The following FOXP1 variants were observed in gnomAD, a reference collection of about 807,000 sequenced individuals.
FOXP1 encodes the protein forkhead box P1.
FOXP1 carries 15 observed loss-of-function variants against 98.2 expected under a neutral mutation model. That is an observed-to-expected ratio of 0.15 (90% CI 0.10 to 0.24). FOXP1 has a LOEUF of 0.24. FOXP1 is among the 10% of genes least tolerant of loss of function. FOXP1 has a pLI of 1.00. For missense variants in FOXP1, 633 were observed against 848.5 expected (o/e 0.75, Z 3.15); for synonymous variants, 371 against 314.5 (o/e 1.18, Z -1.90).
At chr3:71,359,874 C>T (rs139393530) in intron 3 of FOXP1, among the ~76,000 whole-genome samples, 1 of 152,272 alleles carries the variant, frequency 6.6e-6, no homozygotes, top group African/African-American at 2.4e-5. Context: ...CTCACTGCAA[C>T]CTCCACCTCC....
At chr3:71,350,288 C>G (rs1033932882) in intron 4 of FOXP1, among the ~76,000 whole-genome samples, 1 of 152,066 alleles carries the variant, frequency 6.6e-6, no homozygotes, top group Non-Finnish European at 1.5e-5. Context: ...CCAAAAAGAC[C>G]GTCTTTCCCT....
At position 71,466,056 on chromosome 3, in the gene FOXP1, T is replaced by C. The variant is rs1030057327; in HGVS notation, c.-168+27370A>G. On this transcript the variant is annotated intron_variant, in intron 3 of 20. Transcript: ENST00000649528. ...CCGGTGCCAAAAAGGTTGGGGACCA[T>C]TGATCTAAGCAACATGCTGGACAGA... Among the ~76,000 whole-genome samples, 52 of 152,178 alleles carry C rather than the reference T, an allele frequency of 3.4e-4. 1 individual carries two copies. The highest frequency in any genetic ancestry group is 7.7e-4 in the East Asian group (4 of 5,188).
chr3:71,500,939 T>C (rs2041291058), intron 2 of FOXP1, among the ~76,000 whole-genome samples: 2 of 152,188 alleles, frequency 1.3e-5, no homozygotes, highest in Non-Finnish European at 2.9e-5. Context: ...CATCGTTAAT[T>C]TCAGCACTTT....
At chr3:71,193,381 C>T (rs1285338070) in intron 6 of FOXP1, among the ~76,000 whole-genome samples, 1 of 128,222 alleles carries the variant, frequency 7.8e-6, no homozygotes. Flanking sequence ...ATCTCCTGAC[C>T]TCGTGATCTG....
chr3:71,102,798 G>C (rs2107676034), intron 7 of FOXP1, among the ~76,000 whole-genome samples: 1 of 152,264 alleles, frequency 6.6e-6, no homozygotes, highest in Non-Finnish European at 1.5e-5. Flanking sequence ...GGTAGCTCAG[G>C]GAGAGGCAGT....
chr3:71,114,822 G>A (rs1213060958), intron 6 of FOXP1, among the ~76,000 whole-genome samples: 1 of 152,156 alleles, frequency 6.6e-6, no homozygotes, highest in Admixed American at 6.5e-5. Context: ...GCTGTCTCAG[G>A]GAGGATTCAC....
chr3:71,079,162 T>A (rs1334191707), intron 7 of FOXP1, among the ~76,000 whole-genome samples: 1 of 152,190 alleles, frequency 6.6e-6, no homozygotes, highest in Non-Finnish European at 1.5e-5. Flanking sequence ...GAAATGAGCA[T>A]GGTGGGACAG....
intron 3 of FOXP1, among the ~76,000 whole-genome samples, chr3:71,362,512 C>G (rs931227671): frequency 6.6e-6 from 1 of 152,296 alleles, no homozygotes; most frequent in African/African-American, 2.4e-5. Flanking sequence ...CTCTGTTGCT[C>G]AGGCTGCAGT....
chr3:71,124,135 AT>A (rs143622144), intron 6 of FOXP1, among the ~76,000 whole-genome samples: 27 of 148,368 alleles, frequency 1.8e-4, no homozygotes, highest in African/African-American at 6.5e-4. Flanking sequence ...TTAAAGTTAT[AT>A]TTTTTTAAAA....
At chr3:71,413,259 G>GACACACACACATAC (rs2082925734) in intron 3 of FOXP1, among the ~76,000 whole-genome samples, 1 of 64,414 alleles carries the variant, frequency 1.6e-5, no homozygotes, top group African/African-American at 5.4e-5. Flanking sequence ...CCCCCAAATA[G>GACACACACACATAC]ACACACACAC....
At chr3:71,392,495 T>C (rs2081105588) in intron 3 of FOXP1, among the ~76,000 whole-genome samples, 1 of 152,242 alleles carries the variant, frequency 6.6e-6, no homozygotes, top group Non-Finnish European at 1.5e-5. Context: ...TAGGCTATTA[T>C]CTATGCAGCA....
intron 3 of FOXP1, among the ~76,000 whole-genome samples, chr3:71,448,689 G>A (rs2108490610): frequency 6.6e-6 from 1 of 152,324 alleles, no homozygotes; most frequent in Middle Eastern, 3.4e-3. Context: ...TTAACTAGTA[G>A]GTAATGGTGG....
intron 2 of FOXP1, among the ~76,000 whole-genome samples, chr3:71,578,533 T>A (rs1482923809): frequency 6.6e-6 from 1 of 152,212 alleles, no homozygotes; most frequent in Non-Finnish European, 1.5e-5. Context: ...CAAGATAGTG[T>A]TTCAAAACTG....
At chr3:70,972,497 G>A (rs771544862) in intron 18 of FOXP1, 58 bp downstream of exon 18, 58 of 1,610,284 alleles carry the variant, frequency 3.6e-5, no homozygotes, top group African/African-American at 6.7e-5. Flanking sequence ...AAGCCTCTAC[G>A]TTATACTTGT....
chr3:71,241,424 C>G (rs1392453523), intron 5 of FOXP1, among the ~76,000 whole-genome samples: 1 of 152,142 alleles, frequency 6.6e-6, no homozygotes, highest in East Asian at 1.9e-4. Context: ...ATTACTTTAA[C>G]AGGGGGCCCT....
In FOXP1 at chr3:70,959,338, G is replaced by T. The variant is rs1378227303; in HGVS notation, c.1943C>A (p.Pro648His). The T allele has an allele frequency of 6.2e-7, 1 of 1,613,994 alleles. No individual in the cohort carries two copies. The highest frequency in any genetic ancestry group is 2.2e-5 in the East Asian group (1 of 44,870). ...GTTGGCTGTTGTCACTAAGGACAGG[G>T]GCCCTTCAGCTTCCTCTGGATCGAG... is the stretch of plus-strand genomic sequence containing the variant. Reference protein sequence around the residue: ...EPLDPEEAEGPLSLVTTANHS... With the variant: ...EPLDPEEAEGHLSLVTTANHS... Residue 648 changes from proline (P) to histidine (H), a missense_variant, in exon 21 of 21, where the codon CCC becomes CAC. By Grantham distance (77) the Pro-to-His change is moderately conservative. Around this residue, in one of 6 missense-constraint regions of FOXP1, gnomAD observed 150 missense variants for 163.7 expected, o/e 0.92. Coordinates refer to ENST00000649528, the MANE Select transcript of FOXP1 (RefSeq NM_001349338.3).
intron 7 of FOXP1, among the ~76,000 whole-genome samples, chr3:71,076,343 T>C (rs755706646): frequency 1.1e-4 from 16 of 152,226 alleles, no homozygotes; most frequent in Non-Finnish European, 1.8e-4. Context: ...ATTTGATCAT[T>C]TGATCATTTG....
intron 14 of FOXP1, among the ~76,000 whole-genome samples, chr3:70,980,168 G>T (rs1049883113): frequency 6.6e-6 from 1 of 152,080 alleles, no homozygotes; most frequent in African/African-American, 2.4e-5. Context: ...CGCAGGATGG[G>T]GCAGAGCTGA....
intron 6 of FOXP1, among the ~76,000 whole-genome samples, chr3:71,114,382 C>T (rs562387533): frequency 9.9e-5 from 15 of 152,256 alleles, no homozygotes; most frequent in South Asian, 4.1e-4. Flanking sequence ...CACGTAAAAA[C>T]GTGGAGTGTG....
Sources: gnomAD v4.1 joint callset for allele counts (sites outside exome capture counted in the v4.1 genomes callset) on GRCh38, gnomAD v4.1.1 for gene constraint, gnomAD v4.1.1 regional missense constraint, MANE v1.5 for transcripts, NCBI Gene and HGNC (gene_info 2026-07-23, HGNC 2026-07-21) for gene names.